Variants in GLI3 observed in about 807,000 individuals in gnomAD.
GLI3 encodes GLI family zinc finger 3, also known as transcription activator GLI3.
A neutral mutation model predicts 100.8 loss-of-function variants in GLI3; 20 were observed. The ratio of observed to expected loss-of-function variants is 0.20; its 90% CI spans 0.14 to 0.29. GLI3 has a LOEUF of 0.29. Ranked by LOEUF, GLI3 falls within the 10% of genes least tolerant of loss-of-function variation. The pLI, the probability that GLI3 is intolerant of heterozygous loss-of-function variation, is 1.00. For synonymous variants in GLI3, 938 were observed against 860.5 expected, an observed-to-expected ratio of 1.09 and a Z score of -1.58; for missense variants, 2,040 against 2,128.5, an observed-to-expected ratio of 0.96 and a Z score of 0.82.
rs141759179 is a variant in GLI3 at position 41,964,552 on chromosome 7, A to G, written c.4521T>C (p.Asp1507=). ...AGTGGTCCCCATCGTCTATGATGGC[A>G]TCGAAGTCAATCTGTACCCCTTCCA... The part of the protein sequence containing the change: ...HDLEGVQIDF[D]AIIDDGDHSS... Residue 1507 remains aspartate, a synonymous_variant, in exon 15 of 15, where the codon GAT becomes GAC. Coordinates refer to ENST00000395925, the MANE Select transcript of GLI3 (RefSeq NM_000168.6). 3.7e-6 allele frequency: 6 copies of G among 1,613,482 alleles called. No individual in the cohort carries two copies. In the African/African-American group the frequency reaches 6.7e-5, roughly 18 times the overall value.
intron 4 of GLI3, among the ~76,000 whole-genome samples, chr7:42,059,221 T>G (rs1185166322): frequency 6.6e-6 from 1 of 152,092 alleles, no homozygotes; most frequent in Non-Finnish European, 1.5e-5. Context: ...ATACACATTA[T>G]ATATTAAATT....
At chr7:42,030,843 C>T (rs1174272268) in intron 7 of GLI3, among the ~76,000 whole-genome samples, 3 of 151,954 alleles carry the variant, frequency 2.0e-5, no homozygotes, top group Admixed American at 6.6e-5. Flanking sequence ...CTCAGCCTCC[C>T]GAGCAGCTGG....
Position 41,962,327 on chromosome 7 carries a change from G to C in GLI3, c.*2003C>G, listed in dbSNP as rs998192851. ...AAGACTGGAGATTTGGAGATTTGTGGAAAAGTGAGACTGGATCTCTGATTC... is the reference window on the plus strand; with the variant it reads ...AAGACTGGAGATTTGGAGATTTGTGCAAAAGTGAGACTGGATCTCTGATTC... On this transcript the variant is annotated 3_prime_UTR_variant, in exon 15 of 15. Transcript: ENST00000395925. 5 of 152,212 alleles carry C rather than the reference G, an allele frequency of 3.3e-5. No individual in the cohort carries two copies. Among genetic ancestry groups the C allele is most frequent in the African/African-American group, 1.2e-4 (5 of 41,456 alleles). The allele number at this position is 152,212 out of a possible 1,614,324, so 9.4% of individuals were successfully genotyped here.
intron 3 of GLI3, among the ~76,000 whole-genome samples, chr7:42,124,809 TG>T (rs1170334540): frequency 2.6e-5 from 4 of 152,206 alleles, no homozygotes; most frequent in Admixed American, 6.5e-5. Flanking sequence ...GCTGTGTGTG[TG>T]AAAAAAGTCA....
In GLI3 at chr7:42,045,129, A is replaced by G. The variant is rs699492; in HGVS notation, c.826+255T>C. Among the ~76,000 whole-genome samples the G allele has an allele frequency of 0.56, 84,802 of 152,014 alleles. 25,805 individuals carry two copies. The highest frequency in any genetic ancestry group is 0.82 in the African/African-American group (34,008 of 41,448). On this transcript the variant is annotated intron_variant, in intron 6 of 14. Transcript: ENST00000395925. ...TTTTTTTTAACCAGCTAATATTTAT[A>G]TATCGCTGTCAATTACAATTGCCTG... is the stretch of plus-strand genomic sequence containing the variant.
At chr7:42,183,041 T>G (rs1180083196) in intron 2 of GLI3, among the ~76,000 whole-genome samples, 2 of 151,932 alleles carry the variant, frequency 1.3e-5, no homozygotes, top group African/African-American at 2.4e-5. Flanking sequence ...GTCAACGTGG[T>G]GAAACCCCGT....
chr7:42,022,372 G>A (rs1324236743), intron 10 of GLI3, among the ~76,000 whole-genome samples: 2 of 152,104 alleles, frequency 1.3e-5, no homozygotes, highest in Admixed American at 6.5e-5. Flanking sequence ...ATGTAAGAGG[G>A]ACTTCATAAT....
At chr7:42,199,030 A>G (rs1390414907) in intron 2 of GLI3, among the ~76,000 whole-genome samples, 2 of 152,118 alleles carry the variant, frequency 1.3e-5, no homozygotes, top group Non-Finnish European at 2.9e-5. Flanking sequence ...GATGATAGAT[A>G]ACAAATGGCA....
At chr7:42,238,893 C>T (rs776311773), upstream of GLI3, among the ~76,000 whole-genome samples, 36 of 152,206 alleles carry the variant, frequency 2.4e-4, no homozygotes, top group Non-Finnish European at 4.4e-4. Flanking sequence ...GCGTTGCCGC[C>T]AAGTGTCTTG....
intron 3 of GLI3, among the ~76,000 whole-genome samples, chr7:42,143,097 T>C (rs1786612590): frequency 6.6e-6 from 1 of 152,170 alleles, no homozygotes; most frequent in Admixed American, 6.5e-5. Flanking sequence ...AATAATAGTT[T>C]TGCAAAGGTT....
intron 12 of GLI3, among the ~76,000 whole-genome samples, chr7:41,973,926 TATAATAAG>T (rs949732681): frequency 6.6e-6 from 1 of 152,204 alleles, no homozygotes; most frequent in Admixed American, 6.5e-5. Flanking sequence ...CATATATATA[TATAATAAG>T]ATGAGCACAT....
chr7:42,224,176 CAAGAA>C (rs1788542577), intron 1 of GLI3, among the ~76,000 whole-genome samples: 1 of 152,172 alleles, frequency 6.6e-6, no homozygotes, highest in Non-Finnish European at 1.5e-5. Flanking sequence ...ACAAAGAATA[CAAGAA>C]AAGAGGAAAA....
chr7:42,002,174 C>A (rs1788322073), intron 10 of GLI3, among the ~76,000 whole-genome samples: 1 of 151,944 alleles, frequency 6.6e-6, no homozygotes. Flanking sequence ...CACTTTAAGG[C>A]AAAGTTTCTC....
intron 3 of GLI3, among the ~76,000 whole-genome samples, chr7:42,147,170 A>T (rs746302017): frequency 4.6e-5 from 7 of 152,122 alleles, no homozygotes; most frequent in Non-Finnish European, 1.0e-4. Flanking sequence ...AGGCCCTTTG[A>T]TCTGAGGAGT....
intron 3 of GLI3, among the ~76,000 whole-genome samples, chr7:42,129,064 G>A (rs956728086): frequency 2.0e-5 from 3 of 152,206 alleles, no homozygotes; most frequent in Non-Finnish European, 2.9e-5. Context: ...TCTGTGAAAT[G>A]AAAAACTGGA....
chr7:42,061,357 T>C (rs1368340042), intron 4 of GLI3, among the ~76,000 whole-genome samples: 2 of 152,202 alleles, frequency 1.3e-5, no homozygotes, highest in Non-Finnish European at 2.9e-5. Flanking sequence ...ATCATCCTCA[T>C]CATAATTATT....
Position 42,113,622 on chromosome 7 carries a change from G to C in GLI3, c.367+34604C>G. 8.3e-6 allele frequency: 8 copies of C among 965,386 alleles called. No individual in the cohort carries two copies. The South Asian group carries it at 1.0e-4, about 12-fold the overall frequency. The allele number at this position is 965,386 out of a possible 1,614,324, so 59.8% of individuals were successfully genotyped here. ...GCTGAAGGTGCTGGAGATGCCAAGTGAAGTGTCTGCATTTTTGATAACTGT... is the reference window on the plus strand; with the variant it reads ...GCTGAAGGTGCTGGAGATGCCAAGTCAAGTGTCTGCATTTTTGATAACTGT... On this transcript the variant is annotated intron_variant, in intron 3 of 14. Coordinates refer to ENST00000395925, the MANE Select transcript of GLI3 (RefSeq NM_000168.6).
At chr7:42,078,101 C>A (rs917680718) in intron 3 of GLI3, among the ~76,000 whole-genome samples, 1 of 152,156 alleles carries the variant, frequency 6.6e-6, no homozygotes, top group Non-Finnish European at 1.5e-5. Context: ...AGGTTCTGAT[C>A]GACCACCTAA....
At chr7:42,222,987 T>G in intron 2 of GLI3, 143 bp downstream of exon 2, 234 of 765,706 alleles carry the variant, frequency 3.1e-4, no homozygotes, top group Non-Finnish European at 4.0e-4. Flanking sequence ...CCCCCCGCCG[T>G]CCCCCCGCCC....
Sources: allele counts gnomAD v4.1 joint callset (sites outside exome capture counted in the v4.1 genomes callset), GRCh38; gene constraint gnomAD v4.1.1; transcripts MANE v1.5; gene names NCBI Gene and HGNC (gene_info 2026-07-23, HGNC 2026-07-21).